Variants in THOP1 observed in about 807,000 individuals in gnomAD.
THOP1 encodes thimet oligopeptidase.
A neutral mutation model predicts 71.8 loss-of-function variants in THOP1; 49 were observed. That is an observed-to-expected ratio of 0.68 (90% CI 0.54 to 0.87). THOP1 has a LOEUF of 0.87. THOP1 is among the 40% of genes least tolerant of loss of function. The pLI is 0.00. For missense variants in THOP1, 843 were observed against 975.6 expected, an observed-to-expected ratio of 0.86 and a Z score of 1.81; for synonymous variants, 426 against 421.5, an observed-to-expected ratio of 1.01 and a Z score of -0.13.
At chr19:2,799,180 G>T (rs1445513597) in intron 4 of THOP1, among the ~76,000 whole-genome samples, 1 of 152,164 alleles carries the variant, frequency 6.6e-6, no homozygotes, top group Non-Finnish European at 1.5e-5. Flanking sequence ...ACAAAAATTA[G>T]CTGGGTGTAG....
rs1916537222 is a variant in THOP1, at chr19:2,813,388, G to T, written c.*112G>T. 19 of 1,297,400 alleles carry T rather than the reference G, an allele frequency of 1.5e-5. 2 individuals carry two copies. The South Asian group carries it at 2.9e-4, about 20-fold the overall frequency. The allele number at this position is 1,297,400 out of a possible 1,614,324, so 80.4% of individuals were successfully genotyped here. A position where few individuals can be genotyped will look rare whatever the true frequency, so the allele number is the denominator to read the frequency against. On this transcript the variant is annotated 3_prime_UTR_variant, in exon 13 of 13. Transcript: ENST00000307741. ...CACAGTGCCTGGGACTGGCAGGGTG[G>T]CTGAGCGGCTGTCTTGCCTCTTGTC...
chr19:2,791,013 G>C (rs980713932), intron 2 of THOP1, among the ~76,000 whole-genome samples: 2 of 152,352 alleles, frequency 1.3e-5, no homozygotes, highest in South Asian at 4.1e-4. Context: ...CTTGAACCCT[G>C]ACCCCGTCTG....
chr19:2,794,683 T>A, intron 2 of THOP1, 81 bp from the exon 3 acceptor site: 1 of 1,520,632 alleles, frequency 6.6e-7, no homozygotes, highest in Non-Finnish European at 9.0e-7. Flanking sequence ...CAGACAGGCC[T>A]GGGAGAGGGG....
intron 5 of THOP1, among the ~76,000 whole-genome samples, chr19:2,803,646 G>A (rs1295316007): frequency 6.6e-6 from 1 of 152,164 alleles, no homozygotes; most frequent in Non-Finnish European, 1.5e-5. Context: ...TTGAAGGCCC[G>A]TGGTCCTTGG....
At chr19:2,803,046 G>A (rs915474608) in intron 5 of THOP1, among the ~76,000 whole-genome samples, 4 of 152,182 alleles carry the variant, frequency 2.6e-5, no homozygotes, top group Non-Finnish European at 4.4e-5. Flanking sequence ...GCGCGGTACC[G>A]CAGGCTCGGC....
intron 8 of THOP1, 89 bp downstream of exon 8, chr19:2,807,897 G>A (rs1437904487): frequency 8.1e-6 from 11 of 1,365,516 alleles, no homozygotes; most frequent in African/African-American, 2.9e-5. Flanking sequence ...GAAGGAAGTC[G>A]TTGCCTGCTC....
At chr19:2,796,035 G>A (rs766493250) in intron 3 of THOP1, 46 bp from the exon 4 acceptor site, 19 of 1,498,158 alleles carry the variant, frequency 1.3e-5, no homozygotes, top group Non-Finnish European at 1.4e-5. Context: ...TCTTTGGAGC[G>A]GCTGCACTGG....
intron 12 of THOP1, chr19:2,812,041 G>A (rs746285937): frequency 3.2e-5 from 35 of 1,080,028 alleles, no homozygotes; most frequent in Non-Finnish European, 4.5e-5. Context: ...CTCCACACTG[G>A]CCCCTCAGGC....
intron 3 of THOP1, among the ~76,000 whole-genome samples, chr19:2,795,527 C>G (rs1915993158): frequency 6.6e-6 from 1 of 152,178 alleles, no homozygotes. Flanking sequence ...ATCATGCAGC[C>G]CTAGTGCTTT....
rs971347161 is a variant in THOP1, at chr19:2,801,215, G to A, written c.589+1424G>A. ...CTGGGTGTGAATCCTGGGGAAGTCTGTATGAAGCGCGGTGGAAGTTCAGTT... is the reference window on the plus strand; with the variant it reads ...CTGGGTGTGAATCCTGGGGAAGTCTATATGAAGCGCGGTGGAAGTTCAGTT... On this transcript the variant is annotated intron_variant, in intron 5 of 12. Coordinates refer to ENST00000307741, the MANE Select transcript of THOP1 (RefSeq NM_003249.5). This position sits in a 1 kb window ranked among gnomAD's most constrained non-coding sequence, Gnocchi z 5.1. 6.6e-6 allele frequency among the ~76,000 whole-genome samples: 1 copy of A among 152,222 alleles called. No homozygotes were observed.
At position 2,805,328 on chromosome 19, in the gene THOP1, T is replaced by A; in HGVS notation, c.750+152T>A. On this transcript the variant is annotated intron_variant, in intron 6 of 12. Transcript: ENST00000307741. This position sits in a 1 kb window ranked among gnomAD's most constrained non-coding sequence, Gnocchi z 6.6. ...CCAGTGGCCAGCAGAGGCCTCCCTGTGGGGCTCTGCCGTGCCCTGGAGGTG... is the reference window on the plus strand; with the variant it reads ...CCAGTGGCCAGCAGAGGCCTCCCTGAGGGGCTCTGCCGTGCCCTGGAGGTG... 1 of 969,596 alleles carries A rather than the reference T, an allele frequency of 1.0e-6. No individual in the cohort carries two copies. The highest frequency in any genetic ancestry group is 1.5e-6 in the Non-Finnish European group (1 of 674,306). 60.1% of individuals were successfully genotyped at this position (969,596 alleles called of 1,614,324 possible). A position where few individuals can be genotyped will look rare whatever the true frequency, so the allele number is the denominator to read the frequency against.
intron 2 of THOP1, among the ~76,000 whole-genome samples, chr19:2,792,134 T>A (rs1375952623): frequency 6.6e-6 from 1 of 152,256 alleles, no homozygotes; most frequent in Non-Finnish European, 1.5e-5. Context: ...ACTTGTCTAA[T>A]CGGTCGCCCG....
Position 2,794,744 on chromosome 19 carries a change from C to T in THOP1, c.230-20C>T, listed in dbSNP as rs747516975. 5 of 1,600,138 alleles carry T rather than the reference C, an allele frequency of 3.1e-6. No homozygotes were observed. In the Admixed American group the frequency reaches 8.4e-5, roughly 27 times the overall value. On this transcript the variant is annotated intron_variant, in intron 2 of 12. Coordinates refer to ENST00000307741, the MANE Select transcript of THOP1 (RefSeq NM_003249.5). ...TGGGGCCTGTTCTCACACCTGTCTC[C>T]CTGGTCTCCCCTGTTTTAGTTCAGA...
intron 9 of THOP1, 91 bp from the exon 10 acceptor site, chr19:2,810,213 T>A (rs924835260): frequency 4.1e-6 from 6 of 1,452,042 alleles, no homozygotes; most frequent in African/African-American, 2.8e-5. Flanking sequence ...GCACTCGCCC[T>A]GTTTGCACTG....
chr19:2,793,713 C>T (rs375366037), intron 2 of THOP1, among the ~76,000 whole-genome samples: 1 of 152,160 alleles, frequency 6.6e-6, no homozygotes, highest in Non-Finnish European at 1.5e-5. Context: ...TGGCATCACA[C>T]ACTGTGTGAC....
chr19:2,810,757 C>T lies in THOP1; in HGVS notation c.1760C>T (p.Pro587Leu), dbSNP rs200291608. The T allele has an allele frequency of 3.1e-5, 50 of 1,602,448 alleles. No individual in the cohort carries two copies. The highest frequency in any genetic ancestry group is 9.0e-5 in the East Asian group (4 of 44,644). ...CTCTGCCAGGAGATCCTCGGGGTCC[C>T]GGCCACGCCAGGTAGCCACCCTTGA... ...ARLCQEILGV[P>L]ATPGTNMPAT... Residue 587 changes from proline to leucine, a missense_variant, in exon 11 of 13, where the codon CCG (proline) becomes CTG (leucine). Transcript: ENST00000307741.
intron 4 of THOP1, among the ~76,000 whole-genome samples, chr19:2,797,309 C>T (rs1916041830): frequency 6.6e-6 from 1 of 152,154 alleles, no homozygotes; most frequent in Non-Finnish European, 1.5e-5. Context: ...TGCAGGCGAG[C>T]TGTTGGCTGT....
rs1396126336 is a variant in THOP1 at position 2,799,870 on chromosome 19, C to T, written c.589+79C>T. The T allele has an allele frequency of 2.6e-5, 34 of 1,310,630 alleles. 2 individuals are homozygous for T. The South Asian group carries it at 2.7e-4, about 10-fold the overall frequency. The allele number at this position is 1,310,630 out of a possible 1,614,324, so 81.2% of individuals were successfully genotyped here. A position where few individuals can be genotyped will look rare whatever the true frequency, so the allele number is the denominator to read the frequency against. ...GGCCTGCCAGGCCCTCGGGGGCCGC[C>T]GCTTCCTCCTGTGGGCTTCTGTGCT... is the stretch of plus-strand genomic sequence containing the variant. On this transcript the variant is annotated intron_variant, in intron 5 of 12. Transcript: ENST00000307741.
chr19:2,797,664 T>C (rs1916051676), intron 4 of THOP1, among the ~76,000 whole-genome samples: 1 of 152,238 alleles, frequency 6.6e-6, no homozygotes, highest in Non-Finnish European at 1.5e-5. Context: ...TGATGTTCGC[T>C]CCTATTAAAT....
Sources: allele counts gnomAD v4.1 joint callset (sites outside exome capture counted in the v4.1 genomes callset), GRCh38; gene constraint gnomAD v4.1.1; non-coding constraint Gnocchi (gnomAD v3.1); transcripts MANE v1.5; gene names NCBI Gene and HGNC (gene_info 2026-07-23, HGNC 2026-07-21).